NALCN: variants seen among roughly 807,000 people sequenced by gnomAD.
NALCN encodes the protein sodium leak channel, non-selective, also known as sodium leak channel NALCN.
A neutral mutation model predicts 225.3 loss-of-function variants in NALCN; 111 were observed. The ratio of observed to expected loss-of-function variants is 0.49; its 90% CI spans 0.42 to 0.58. The LOEUF is 0.58. NALCN is among the 20% of genes least tolerant of loss of function. NALCN has a pLI of 0.00. For missense variants in NALCN, 1,378 were observed against 2,202.4 expected, an observed-to-expected ratio of 0.63 and a Z score of 7.49; for synonymous variants, 764 against 769.0, an observed-to-expected ratio of 0.99 and a Z score of 0.11.
At chr13:101,152,790 C>T (rs551692059) in intron 15 of NALCN, among the ~76,000 whole-genome samples, 1 of 152,162 alleles carries the variant, frequency 6.6e-6, no homozygotes, top group African/African-American at 2.4e-5. Flanking sequence ...TCCTTTGTTA[C>T]TCCACTGAGA....
intron 37 of NALCN, among the ~76,000 whole-genome samples, chr13:101,069,878 C>T (rs1485807368): frequency 6.6e-6 from 1 of 152,132 alleles, no homozygotes; most frequent in Admixed American, 6.5e-5. Flanking sequence ...TGCAGCAATT[C>T]AGTCGCGTCT....
chr13:101,370,334 C>A (rs17486822), intron 6 of NALCN, among the ~76,000 whole-genome samples: 31,974 of 152,070 alleles, frequency 0.21, 3,515 homozygotes, highest in Non-Finnish European at 0.24. Flanking sequence ...CAATACAAAA[C>A]CTGCATTCCA....
Position 101,097,379 on chromosome 13 carries a change from T to G in NALCN, c.3163-1699A>C, listed in dbSNP as rs148594599. The stretch of plus-strand genomic sequence containing the variant: ...CTTTCCATAACCATACCTTTTTATG[T>G]AGAACATTATTTGGAAAGGCTGTGT... On this transcript the variant is annotated intron_variant, in intron 27 of 43. Transcript: ENST00000251127. Among the ~76,000 whole-genome samples, 490 of 152,306 alleles carry G rather than the reference T, an allele frequency of 3.2e-3. 2 individuals are homozygous for G. The highest frequency in any genetic ancestry group is 0.011 in the African/African-American group (465 of 41,574).
intron 1 of NALCN, among the ~76,000 whole-genome samples, chr13:101,407,574 T>C (rs1295579395): frequency 6.6e-6 from 1 of 152,232 alleles, no homozygotes; most frequent in Non-Finnish European, 1.5e-5. Context: ...TATTGAAAGC[T>C]TACTCCATGC....
chr13:101,330,020 CAGAG>C (rs959130955), intron 7 of NALCN, among the ~76,000 whole-genome samples: 4 of 150,902 alleles, frequency 2.7e-5, no homozygotes, highest in Non-Finnish European at 4.4e-5. Context: ...GCCTGGGTGA[CAGAG>C]AGAGACTGTT....
intron 16 of NALCN, 46 bp from the exon 17 acceptor site, chr13:101,143,267 G>C: frequency 8.5e-6 from 13 of 1,535,122 alleles, no homozygotes; most frequent in South Asian, 1.3e-5. Context: ...TAGTGGAAGG[G>C]AGCAAGTGAC....
chr13:101,332,835 C>G (rs1356248381), intron 7 of NALCN, among the ~76,000 whole-genome samples: 1 of 149,224 alleles, frequency 6.7e-6, no homozygotes, highest in Non-Finnish European at 1.5e-5. Context: ...TTCACTTTAA[C>G]AAAGTTATAG....
intron 15 of NALCN, among the ~76,000 whole-genome samples, chr13:101,160,596 A>G (rs1279451472): frequency 6.6e-6 from 1 of 151,914 alleles, no homozygotes; most frequent in Non-Finnish European, 1.5e-5. Flanking sequence ...AACATATTAA[A>G]TCTCTCTGTA....
chr13:101,191,905 T>C lies in NALCN; in HGVS notation c.1764+12A>G. 6.3e-7 allele frequency: 1 copy of C among 1,579,882 alleles called. No homozygotes were observed. Among genetic ancestry groups the C allele is most frequent in the Admixed American group, 1.8e-5 (1 of 54,476 alleles). ...TTCCAAGATATAATTGAAAAAAAAA[T>C]GCTGAACTCACCAGAGTGGCAAAAA... is the stretch of plus-strand genomic sequence containing the variant. On this transcript the variant is annotated intron_variant, in intron 14 of 43. Transcript: ENST00000251127.
chr13:101,287,403 G>T (rs1248228188), intron 9 of NALCN, among the ~76,000 whole-genome samples: 1 of 152,160 alleles, frequency 6.6e-6, no homozygotes, highest in African/African-American at 2.4e-5. Flanking sequence ...GAATAAAAAG[G>T]CTCTTGCAGC....
At chr13:101,180,919 C>A in intron 14 of NALCN, 1 of 397,980 alleles carries the variant, frequency 2.5e-6, no homozygotes, top group Admixed American at 3.1e-5. Context: ...AAAGCAGAAA[C>A]GTGAAAGAAA....
In NALCN at chr13:101,054,341, A is replaced by AATCT. The variant is rs1439187184; in HGVS notation, c.*950_*953dup. On this transcript the variant is annotated 3_prime_UTR_variant, in exon 44 of 44. Coordinates refer to ENST00000251127, the MANE Select transcript of NALCN (RefSeq NM_052867.4). The stretch of plus-strand genomic sequence containing the variant: ...TTCTTTTAACAGAGATGTCATTTCA[A>AATCT]ATCTAACGTAGCAATGGTGTGTTAG... 8.5e-5 allele frequency: 13 copies of AATCT among 152,364 alleles called. No homozygotes were observed. In the East Asian group the frequency reaches 1.5e-3, roughly 18 times the overall value. The allele number at this position is 152,364 out of a possible 1,614,324, so 9.4% of individuals were successfully genotyped here.
intron 13 of NALCN, among the ~76,000 whole-genome samples, chr13:101,228,299 T>C (rs1417853440): frequency 1.3e-5 from 2 of 152,062 alleles, no homozygotes; most frequent in Non-Finnish European, 2.9e-5. Context: ...TACAGACCCT[T>C]TTGCTGTCAA....
At chr13:101,145,317 T>C (rs1278953932) in intron 15 of NALCN, among the ~76,000 whole-genome samples, 1 of 152,148 alleles carries the variant, frequency 6.6e-6, no homozygotes, top group East Asian at 1.9e-4. Flanking sequence ...AACTACAGAA[T>C]CATACTAAGT....
In NALCN at chr13:101,104,809, A is replaced by G; in HGVS notation, c.2636+85T>C. The G allele has an allele frequency of 6.4e-7, 1 of 1,566,872 alleles. No homozygotes were observed. The highest frequency in any genetic ancestry group is 8.8e-7 in the Non-Finnish European group (1 of 1,142,094). ...ATAGCACTATATAGCAAGAAAATAA[A>G]AGAGAATTTTAATCGTTGTATGCAG... On this transcript the variant is annotated intron_variant, in intron 23 of 43. Transcript: ENST00000251127. This position sits in a 1 kb window ranked among gnomAD's most constrained non-coding sequence, Gnocchi z 4.2.
chr13:101,369,305 T>A (rs1471970204), intron 6 of NALCN, among the ~76,000 whole-genome samples: 1 of 152,018 alleles, frequency 6.6e-6, no homozygotes, highest in African/African-American at 2.4e-5. Context: ...ATTTATGAAA[T>A]TTTTCATGGT....
chr13:101,238,944 T>C (rs1434467207), intron 11 of NALCN, among the ~76,000 whole-genome samples: 1 of 151,994 alleles, frequency 6.6e-6, no homozygotes, highest in Non-Finnish European at 1.5e-5. Context: ...AAGAGGAAAT[T>C]AGCATCACTT....
chr13:101,414,977 G>C (rs191622489), intron 1 of NALCN, among the ~76,000 whole-genome samples: 1 of 147,580 alleles, frequency 6.8e-6, no homozygotes, highest in East Asian at 1.9e-4. Flanking sequence ...ACGAAAAATC[G>C]ACTCTAGAAA....
intron 18 of NALCN, among the ~76,000 whole-genome samples, chr13:101,122,922 T>C (rs1317384698): frequency 6.6e-6 from 1 of 152,224 alleles, no homozygotes; most frequent in Non-Finnish European, 1.5e-5. Flanking sequence ...GACCCTCTTT[T>C]TGGAGAAATC....
Sources: gnomAD v4.1 joint callset for allele counts (sites outside exome capture counted in the v4.1 genomes callset) on GRCh38, gnomAD v4.1.1 for gene constraint, Gnocchi (gnomAD v3.1) non-coding constraint, MANE v1.5 for transcripts, NCBI Gene and HGNC (gene_info 2026-07-23, HGNC 2026-07-21) for gene names.